The following DMXL1 variants were observed in gnomAD, a reference collection of about 807,000 sequenced individuals.
The protein encoded by DMXL1 is dmX-like protein 1.
A neutral mutation model predicts 319.2 loss-of-function variants in DMXL1; 99 were observed. The observed-to-expected ratio is 0.31, with a 90% confidence interval of 0.26 to 0.37. The LOEUF is 0.37. Among genes scored for constraint, DMXL1 ranks in the 10% least tolerant of loss-of-function variants. The pLI, the probability that DMXL1 is intolerant of heterozygous loss-of-function variation, is 1.00. For synonymous variants in DMXL1, 1,385 were observed against 1,235.2 expected, an observed-to-expected ratio of 1.12 and a Z score of -2.54; for missense variants, 3,745 against 3,595.6, an observed-to-expected ratio of 1.04 and a Z score of -1.06.
At position 119,097,841 on chromosome 5, in the gene DMXL1, T is replaced by G. The variant is rs1756344340; in HGVS notation, c.88-138T>G. 5 of 780,084 alleles carry G rather than the reference T, an allele frequency of 6.4e-6. No homozygotes were observed. The East Asian group carries it at 1.2e-4, about 18-fold the overall frequency. 48.3% of individuals were successfully genotyped at this position (780,084 alleles called of 1,614,324 possible). ...GGAAATAGTGCCAAATGTAGATTTT[T>G]TTTTTAAGAAAACACCTAAAATTGG... On this transcript the variant is annotated intron_variant, in intron 1 of 43. Coordinates refer to ENST00000539542, the MANE Select transcript of DMXL1 (RefSeq NM_001290321.3).
intron 9 of DMXL1, among the ~76,000 whole-genome samples, chr5:119,122,407 C>A (rs1373388059): frequency 6.6e-6 from 1 of 151,058 alleles, no homozygotes; most frequent in Admixed American, 6.6e-5. Flanking sequence ...GCGCCCCTCA[C>A]CTCCCGGATG....
chr5:119,203,907 G>A (rs1311640330), intron 33 of DMXL1, among the ~76,000 whole-genome samples: 4 of 151,920 alleles, frequency 2.6e-5, no homozygotes, highest in Non-Finnish European at 4.4e-5. Context: ...TGCAAGCTCC[G>A]CACCTCCCAG....
chr5:119,176,654 G>A lies in DMXL1; in HGVS notation c.6759-703G>A, dbSNP rs181226455. 2.1e-3 allele frequency among the ~76,000 whole-genome samples: 313 copies of A among 151,962 alleles called. 2 individuals are homozygous for A. The highest frequency in any genetic ancestry group is 3.4e-3 in the Middle Eastern group (1 of 294). ...ATAACACATTTACACCAATAAATGC[G>A]CTATATTTAAGTATATTCATGTACT... On this transcript the variant is annotated intron_variant, in intron 26 of 43. Transcript: ENST00000539542.
intron 37 of DMXL1, among the ~76,000 whole-genome samples, chr5:119,221,955 A>G (rs1784720185): frequency 6.6e-6 from 1 of 152,106 alleles, no homozygotes; most frequent in Non-Finnish European, 1.5e-5. Context: ...TACGTAGGTT[A>G]TAGGAACTAA....
At chr5:119,085,438 T>C (rs1036652713) in intron 1 of DMXL1, among the ~76,000 whole-genome samples, 1 of 152,126 alleles carries the variant, frequency 6.6e-6, no homozygotes, top group African/African-American at 2.4e-5. Context: ...TTCTGATTTC[T>C]TTGTAAGATT....
At chr5:119,107,366 T>C (rs1352802160) in intron 4 of DMXL1, among the ~76,000 whole-genome samples, 1 of 152,124 alleles carries the variant, frequency 6.6e-6, no homozygotes, top group African/African-American at 2.4e-5. Context: ...AAAGTTATCT[T>C]TGAGACATAG....
chr5:119,139,658 C>T (rs930708495), intron 13 of DMXL1, among the ~76,000 whole-genome samples: 4 of 152,170 alleles, frequency 2.6e-5, no homozygotes, highest in African/African-American at 4.8e-5. Flanking sequence ...GAGACATAGA[C>T]TCCCACACAA....
intron 5 of DMXL1, among the ~76,000 whole-genome samples, chr5:119,112,047 G>A (rs554564463): frequency 1.3e-5 from 2 of 152,030 alleles, no homozygotes; most frequent in South Asian, 4.2e-4. Context: ...TGCAAGCTCC[G>A]CCTCCCGGGT....
chr5:119,221,049 G>C lies in DMXL1; in HGVS notation c.8245G>C (p.Gly2749Arg). The change falls in exon 37 of 44, where the codon GGT becomes CGT. Residue 2749 changes from glycine (G) to arginine (R), a missense_variant. Physicochemically the swap from Gly to Arg is moderately radical, Grantham distance 125 (BLOSUM62 -2). This residue lies in a region of DMXL1 where 1,382 missense variants were observed against 1,269.5 expected (regional missense o/e 1.09). Transcript: ENST00000539542. The stretch of plus-strand genomic sequence containing the variant: ...CACTCCAATCAACATGCCATGGCTT[G>C]GTAGTACACAGACTGGCAGAGGAGC... Reference protein sequence around the residue: ...PGTPINMPWLGSTQTGRGASV... With the variant: ...PGTPINMPWLRSTQTGRGASV... 6.2e-7 allele frequency: 1 copy of C among 1,613,502 alleles called. No homozygotes were observed.
At chr5:119,159,162 G>A (rs1271779786) in intron 19 of DMXL1, among the ~76,000 whole-genome samples, 1 of 151,628 alleles carries the variant, frequency 6.6e-6, no homozygotes, top group Non-Finnish European at 1.5e-5. Context: ...ACAGAGTCTC[G>A]CTTCTGTCAC....
At chr5:119,185,997 G>T (rs925402461) in intron 28 of DMXL1, among the ~76,000 whole-genome samples, 13 of 152,158 alleles carry the variant, frequency 8.5e-5, no homozygotes, top group Admixed American at 3.9e-4. Context: ...TTTACCTGAA[G>T]ATAAAGGTTA....
intron 27 of DMXL1, among the ~76,000 whole-genome samples, chr5:119,177,767 T>G (rs1776088736): frequency 6.6e-6 from 1 of 152,146 alleles, no homozygotes; most frequent in Non-Finnish European, 1.5e-5. Flanking sequence ...TATGACATCT[T>G]AGTCATGAAA....
At chr5:119,141,583 T>G (rs1767351889) in intron 13 of DMXL1, among the ~76,000 whole-genome samples, 1 of 152,040 alleles carries the variant, frequency 6.6e-6, no homozygotes, top group South Asian at 2.1e-4. Flanking sequence ...TTACAAAACA[T>G]TGCTCAGATA....
chr5:119,116,201 G>C lies in DMXL1; in HGVS notation c.608G>C (p.Arg203Pro). 1 of 1,613,338 alleles carries C rather than the reference G, an allele frequency of 6.2e-7. No individual in the cohort carries two copies. The highest frequency in any genetic ancestry group is 8.5e-7 in the Non-Finnish European group (1 of 1,179,712). ...GTTTGGTATAATGTAGAAAACTGGCGGACAGCTGTTACTTCTCCAGATGGA... is the reference window on the plus strand; with the variant it reads ...GTTTGGTATAATGTAGAAAACTGGCCGACAGCTGTTACTTCTCCAGATGGA... ...LKVWYNVENWRTAVTSPDGSS... is the reference protein window; with the variant it reads ...LKVWYNVENWPTAVTSPDGSS... Residue 203 changes from arginine (R) to proline (P), a missense_variant, in exon 7 of 44, where the codon CGG (arginine) becomes CCG (proline). By Grantham distance (103) the Arg-to-Pro change is moderately radical (BLOSUM62 -2). Transcript: ENST00000539542.
At chr5:119,146,327 A>G (rs1173516458) in intron 15 of DMXL1, among the ~76,000 whole-genome samples, 1 of 151,942 alleles carries the variant, frequency 6.6e-6, no homozygotes, top group Non-Finnish European at 1.5e-5. Context: ...TTAAAAAGAT[A>G]TGTTTATTTT....
chr5:119,092,785 AAT>A (rs1755074677), intron 1 of DMXL1, among the ~76,000 whole-genome samples: 1 of 152,220 alleles, frequency 6.6e-6, no homozygotes. Context: ...GAAATAATAA[AAT>A]ATGTGGTCTT....
At chr5:119,169,188 T>C (rs1446703083) in intron 23 of DMXL1, among the ~76,000 whole-genome samples, 1 of 152,214 alleles carries the variant, frequency 6.6e-6, no homozygotes, top group Non-Finnish European at 1.5e-5. Flanking sequence ...CTGGCCCACT[T>C]TCTTATACTT....
intron 29 of DMXL1, 128 bp from the exon 30 acceptor site, chr5:119,193,700 A>G (rs113710088): frequency 3.1e-5 from 29 of 923,202 alleles, no homozygotes; most frequent in Non-Finnish European, 4.8e-5. Context: ...GGATGGTAAG[A>G]TAATAGTTAC....
Position 119,168,721 on chromosome 5 carries a change from T to TA in DMXL1, c.5398+870dup, listed in dbSNP as rs199793180. 3.2e-3 allele frequency among the ~76,000 whole-genome samples: 466 copies of TA among 146,086 alleles called. 3 individuals carry two copies. The highest frequency in any genetic ancestry group is 8.7e-3 in the African/African-American group (347 of 40,110). On this transcript the variant is annotated intron_variant, in intron 23 of 43. Coordinates refer to ENST00000539542, the MANE Select transcript of DMXL1 (RefSeq NM_001290321.3). ...ACTTTCTTTTTTTAGTGTTTTTATT[T>TA]AAAAAAAAAAAAATTAGACACAGTA... is the stretch of plus-strand genomic sequence containing the variant.
Sources: allele counts gnomAD v4.1 joint callset (sites outside exome capture counted in the v4.1 genomes callset), GRCh38; gene constraint gnomAD v4.1.1; regional missense constraint gnomAD v4.1.1; transcripts MANE v1.5; gene names NCBI Gene and HGNC (gene_info 2026-07-23, HGNC 2026-07-21).